Variants in DCC observed in about 807,000 individuals in gnomAD.
DCC encodes DCC netrin 1 receptor.
Under a neutral mutation model 172.5 loss-of-function variants are expected in DCC, and 58 were observed. That is an observed-to-expected ratio of 0.34 (90% CI 0.27 to 0.42). DCC has a LOEUF of 0.42. DCC is among the 10% of genes least tolerant of loss of function. The probability of loss-of-function intolerance (pLI) is 1.00; values close to 1 mark genes in which losing one functional copy is unlikely to be tolerated. For missense variants in DCC, 1,740 were observed against 1,791.0 expected (o/e 0.97, Z 0.51); for synonymous variants, 709 against 644.5 (o/e 1.10, Z -1.52).
chr18:53,305,320 A>G (rs2057187496), intron 12 of DCC, among the ~76,000 whole-genome samples: 1 of 152,224 alleles, frequency 6.6e-6, no homozygotes, highest in African/African-American at 2.4e-5. Context: ...AGAATATTTT[A>G]CTGTCATTTT....
At chr18:53,367,617 T>G (rs900832353) in intron 15 of DCC, among the ~76,000 whole-genome samples, 13 of 152,148 alleles carry the variant, frequency 8.5e-5, no homozygotes, top group African/African-American at 3.1e-4. Context: ...ACCGTACATC[T>G]CTAGAACTCT....
At chr18:53,488,855 T>A (rs550053782) in intron 26 of DCC, among the ~76,000 whole-genome samples, 6 of 152,198 alleles carry the variant, frequency 3.9e-5, no homozygotes, top group African/African-American at 9.6e-5. Context: ...AAAAATAAAA[T>A]CTATTAGAAA....
intron 7 of DCC, among the ~76,000 whole-genome samples, chr18:53,094,152 G>T (rs2043051476): frequency 6.6e-6 from 1 of 152,128 alleles, no homozygotes; most frequent in Non-Finnish European, 1.5e-5. Flanking sequence ...GGTATTTTAG[G>T]CCGGGACCAG....
At chr18:53,241,589 C>T (rs2056295548) in intron 12 of DCC, among the ~76,000 whole-genome samples, 1 of 152,140 alleles carries the variant, frequency 6.6e-6, no homozygotes, top group African/African-American at 2.4e-5. Flanking sequence ...TCAAGGTTTT[C>T]TTCTGCTTCC....
intron 1 of DCC, among the ~76,000 whole-genome samples, chr18:52,459,350 C>A (rs1305616102): frequency 6.6e-6 from 1 of 152,148 alleles, no homozygotes; most frequent in Non-Finnish European, 1.5e-5. Flanking sequence ...TTCCTCCTCC[C>A]ACCCTCCACC....
chr18:52,823,183 C>T (rs775468254), intron 2 of DCC, among the ~76,000 whole-genome samples: 1 of 152,064 alleles, frequency 6.6e-6, no homozygotes, highest in Non-Finnish European at 1.5e-5. Flanking sequence ...AATTTTTGGA[C>T]TCAGGCCAGG....
At chr18:53,273,399 C>T (rs2056770727) in intron 12 of DCC, among the ~76,000 whole-genome samples, 1 of 151,920 alleles carries the variant, frequency 6.6e-6, no homozygotes, top group Non-Finnish European at 1.5e-5. Context: ...TTAATAATGG[C>T]TATATTGAAT....
intron 14 of DCC, among the ~76,000 whole-genome samples, chr18:53,329,432 G>A (rs1443039308): frequency 6.6e-6 from 1 of 151,938 alleles, no homozygotes; most frequent in African/African-American, 2.4e-5. Flanking sequence ...TAATAAGGTT[G>A]TATGTTTCAA....
chr18:52,598,372 A>AC (rs2033949358), intron 1 of DCC, among the ~76,000 whole-genome samples: 2 of 152,216 alleles, frequency 1.3e-5, no homozygotes, highest in Non-Finnish European at 2.9e-5. Context: ...ATATTAGCTG[A>AC]GTCTCAAAAA....
intron 2 of DCC, among the ~76,000 whole-genome samples, chr18:52,791,331 C>T (rs900773811): frequency 3.3e-5 from 5 of 152,070 alleles, no homozygotes; most frequent in African/African-American, 1.2e-4. Flanking sequence ...GAATGCACCC[C>T]AGGGGAGTGC....
intron 21 of DCC, among the ~76,000 whole-genome samples, chr18:53,427,298 G>A (rs1200427208): frequency 6.6e-6 from 1 of 152,062 alleles, no homozygotes; most frequent in Non-Finnish European, 1.5e-5. Context: ...TGTTACTTCA[G>A]ATATACTAGA....
intron 1 of DCC, among the ~76,000 whole-genome samples, chr18:52,397,481 G>A (rs1986275191): frequency 6.6e-6 from 1 of 152,020 alleles, no homozygotes; most frequent in Non-Finnish European, 1.5e-5. Context: ...CACTATTGCT[G>A]CTATATGCAT....
At chr18:52,935,395 A>T (rs566994991) in intron 5 of DCC, among the ~76,000 whole-genome samples, 6 of 152,098 alleles carry the variant, frequency 3.9e-5, no homozygotes, top group African/African-American at 1.4e-4. Flanking sequence ...TATATCATTA[A>T]CTGTGATGAA....
chr18:53,052,913 T>G (rs1455060627), intron 5 of DCC, among the ~76,000 whole-genome samples: 1 of 151,910 alleles, frequency 6.6e-6, no homozygotes, highest in African/African-American at 2.4e-5. Context: ...GAGGCTGAGG[T>G]GCGAAGATCA....
intron 2 of DCC, among the ~76,000 whole-genome samples, chr18:52,752,974 A>G (rs537001538): frequency 4.6e-5 from 7 of 150,582 alleles, no homozygotes; most frequent in Admixed American, 6.6e-5. Context: ...GTGTGTGTGT[A>G]TGTATATCAT....
chr18:53,161,427 C>G (rs886513512), intron 8 of DCC, among the ~76,000 whole-genome samples: 4 of 152,142 alleles, frequency 2.6e-5, no homozygotes, highest in Non-Finnish European at 5.9e-5. Flanking sequence ...ACTTTTTACT[C>G]CCAATTTATC....
At chr18:52,736,554 G>T (rs375767073) in intron 1 of DCC, among the ~76,000 whole-genome samples, 1 of 152,096 alleles carries the variant, frequency 6.6e-6, no homozygotes, top group Non-Finnish European at 1.5e-5. Context: ...GAGAAAAAAA[G>T]TTGAAAGGGA....
intron 26 of DCC, among the ~76,000 whole-genome samples, chr18:53,493,352 C>T (rs560976980): frequency 6.6e-6 from 1 of 152,270 alleles, no homozygotes; most frequent in South Asian, 2.1e-4. Flanking sequence ...CCAGAACTTC[C>T]AACACTATGT....
intron 25 of DCC, among the ~76,000 whole-genome samples, chr18:53,469,851 C>G (rs2045673922): frequency 6.6e-6 from 1 of 152,170 alleles, no homozygotes; most frequent in Non-Finnish European, 1.5e-5. Flanking sequence ...TACAGTCACT[C>G]TCCACTGAAT....
Sources: gnomAD v4.1 joint callset for allele counts (sites outside exome capture counted in the v4.1 genomes callset) on GRCh38, gnomAD v4.1.1 for gene constraint, MANE v1.5 for transcripts, NCBI Gene and HGNC (gene_info 2026-07-23, HGNC 2026-07-21) for gene names.